The following LCMT1 variants were observed in gnomAD, a reference collection of about 807,000 sequenced individuals.
LCMT1 encodes leucine carboxyl methyltransferase 1.
Under a neutral mutation model 47.7 loss-of-function variants are expected in LCMT1, and 32 were observed. That is an observed-to-expected ratio of 0.67 (90% CI 0.51 to 0.90). The LOEUF is 0.90. Ranked by LOEUF, LCMT1 falls within the 40% of genes least tolerant of loss-of-function variation. The pLI, the probability that LCMT1 is intolerant of heterozygous loss-of-function variation, is 0.00. For missense variants in LCMT1, 375 were observed against 415.2 expected, an observed-to-expected ratio of 0.90 and a Z score of 0.84; for synonymous variants, 152 against 149.7, an observed-to-expected ratio of 1.02 and a Z score of -0.11.
chr16:25,117,781 A>G (rs926898671), intron 1 of LCMT1, among the ~76,000 whole-genome samples: 2 of 151,690 alleles, frequency 1.3e-5, no homozygotes, highest in Non-Finnish European at 2.9e-5. Flanking sequence ...GAACTGGGGA[A>G]GTAGAGGTTG....
intron 2 of LCMT1, 147 bp downstream of exon 2, chr16:25,128,713 A>G (rs1960263198): frequency 4.7e-6 from 3 of 633,296 alleles, no homozygotes; most frequent in African/African-American, 1.8e-5. Context: ...ACGGTGTGTT[A>G]TAAACTTGTT....
intron 1 of LCMT1, among the ~76,000 whole-genome samples, chr16:25,115,808 G>T (rs938189188): frequency 6.6e-6 from 1 of 152,130 alleles, no homozygotes; most frequent in South Asian, 2.1e-4. Flanking sequence ...CTCCCGAGTA[G>T]CTGGGACTAC....
At chr16:25,162,969 C>G (rs1002626280) in intron 6 of LCMT1, among the ~76,000 whole-genome samples, 1 of 152,188 alleles carries the variant, frequency 6.6e-6, no homozygotes, top group African/African-American at 2.4e-5. Context: ...CTCCCAGGCT[C>G]AAGTGATCCT....
chr16:25,121,910 A>G (rs1197430004), intron 1 of LCMT1, among the ~76,000 whole-genome samples: 1 of 151,320 alleles, frequency 6.6e-6, no homozygotes, highest in Middle Eastern at 3.2e-3. Flanking sequence ...TTTCACAGAG[A>G]TCTGCCTCAT....
intron 5 of LCMT1, among the ~76,000 whole-genome samples, chr16:25,157,550 C>T (rs1961298558): frequency 1.3e-5 from 2 of 151,796 alleles, no homozygotes; most frequent in South Asian, 4.1e-4. Context: ...CAAAAAAAAC[C>T]AGCAACAACA....
At chr16:25,142,033 T>C (rs1960710253) in intron 4 of LCMT1, 1 of 152,270 alleles carries the variant, frequency 6.6e-6, no homozygotes, top group South Asian at 2.1e-4. Flanking sequence ...GCATTCCTTA[T>C]TGCGTTGTAC....
intron 1 of LCMT1, among the ~76,000 whole-genome samples, chr16:25,114,768 T>C (rs2141619966): frequency 6.6e-6 from 1 of 152,332 alleles, no homozygotes; most frequent in South Asian, 2.1e-4. Flanking sequence ...CTCCTCCTCC[T>C]TCTCATGCCC....
intron 9 of LCMT1, among the ~76,000 whole-genome samples, chr16:25,173,150 A>C (rs555578041): frequency 6.6e-6 from 1 of 152,328 alleles, no homozygotes; most frequent in African/African-American, 2.4e-5. Context: ...TGTTCATTGA[A>C]CAAATGCTGA....
chr16:25,170,646 G>A, intron 8 of LCMT1, 68 bp from the exon 9 acceptor site: 1 of 1,227,494 alleles, frequency 8.1e-7, no homozygotes, highest in South Asian at 1.3e-5. Flanking sequence ...ACAAAACAGT[G>A]TCTTAGATTT....
At chr16:25,142,649 T>C (rs1290348881) in intron 4 of LCMT1, 1 of 151,644 alleles carries the variant, frequency 6.6e-6, no homozygotes, top group African/African-American at 2.4e-5. Flanking sequence ...TGGGGAGGAG[T>C]AGGAACAAAG....
intron 1 of LCMT1, among the ~76,000 whole-genome samples, chr16:25,123,600 C>CTTTTTTTTTT (rs1173228613): frequency 1.6e-5 from 1 of 63,486 alleles, no homozygotes; most frequent in Admixed American, 2.3e-4. Context: ...AAATTGCTTT[C>CTTTTTTTTTT]TTTTTTTTTT....
intron 1 of LCMT1, among the ~76,000 whole-genome samples, chr16:25,112,561 G>A (rs73561375): frequency 0.04 from 6,122 of 152,264 alleles, 437 homozygotes; most frequent in African/African-American, 0.14. Flanking sequence ...GAAAGAGAAA[G>A]CTTGAGGCTT....
rs940038664 is a variant in LCMT1 at position 25,144,884 on chromosome 16, A to G, written c.404+4637A>G. 3.9e-5 allele frequency: 6 copies of G among 152,208 alleles called. No individual in the cohort carries two copies. The East Asian group carries it at 1.2e-3, about 29-fold the overall frequency. 9.4% of individuals were successfully genotyped at this position (152,208 alleles called of 1,614,324 possible). ...CAAAGCTATTCCTAGTCTCTCACAAACATACAAGGTAAGTGGTTTTTCTCA... is the reference window on the plus strand; with the variant it reads ...CAAAGCTATTCCTAGTCTCTCACAAGCATACAAGGTAAGTGGTTTTTCTCA... On this transcript the variant is annotated intron_variant, in intron 4 of 10. Transcript: ENST00000399069.
At chr16:25,156,256 C>T (rs1961254253) in intron 5 of LCMT1, among the ~76,000 whole-genome samples, 2 of 152,150 alleles carry the variant, frequency 1.3e-5, no homozygotes, top group Admixed American at 6.5e-5. Flanking sequence ...TTCTTGATTA[C>T]TCATTTATTT....
chr16:25,163,783 C>T (rs566259416), intron 6 of LCMT1, among the ~76,000 whole-genome samples: 5 of 152,310 alleles, frequency 3.3e-5, no homozygotes, highest in African/African-American at 1.2e-4. Flanking sequence ...TACTTATGAG[C>T]TGCATAGCAG....
chr16:25,132,186 A>G, intron 2 of LCMT1: 1 of 561,234 alleles, frequency 1.8e-6, no homozygotes, highest in Non-Finnish European at 3.2e-6. Flanking sequence ...TAATTGCTTC[A>G]TGAAATAGAT....
At chr16:25,177,330 C>T (rs1961979214) in intron 10 of LCMT1, among the ~76,000 whole-genome samples, 1 of 152,150 alleles carries the variant, frequency 6.6e-6, no homozygotes, top group Admixed American at 6.5e-5. Flanking sequence ...GAGATGACCT[C>T]TTGTGACTTT....
chr16:25,129,312 G>A (rs528968332), intron 2 of LCMT1, among the ~76,000 whole-genome samples: 1 of 151,126 alleles, frequency 6.6e-6, no homozygotes, highest in African/African-American at 2.4e-5. Flanking sequence ...AAAAAAAAAA[G>A]AACACAATAT....
chr16:25,126,058 A>C lies in LCMT1; in HGVS notation c.114-2417A>C, dbSNP rs771921698. 3 of 1,351,444 alleles carry C rather than the reference A, an allele frequency of 2.2e-6. No homozygotes were observed. In the East Asian group the frequency reaches 1.4e-4, roughly 61 times the overall value. The allele number at this position is 1,351,444 out of a possible 1,614,324, so 83.7% of individuals were successfully genotyped here. The stretch of plus-strand genomic sequence containing the variant: ...TCTTGGCCACTCTGATAGGCTGGAC[A>C]GTGAGGTCCTTCTTCCTAGGGCGCA... On this transcript the variant is annotated intron_variant, in intron 1 of 10. Coordinates refer to ENST00000399069, the MANE Select transcript of LCMT1 (RefSeq NM_016309.3).
Sources: gnomAD v4.1 joint callset for allele counts (sites outside exome capture counted in the v4.1 genomes callset) on GRCh38, gnomAD v4.1.1 for gene constraint, MANE v1.5 for transcripts, NCBI Gene and HGNC (gene_info 2026-07-23, HGNC 2026-07-21) for gene names.